ARID1B: variants seen among roughly 807,000 people sequenced by gnomAD.
ARID1B encodes the protein AT-rich interaction domain 1B, also known as AT-rich interactive domain-containing protein 1B.
ARID1B carries 30 observed loss-of-function variants against 212.3 expected under a neutral mutation model. The ratio of observed to expected loss-of-function variants is 0.14; its 90% confidence interval spans 0.11 to 0.19. The LOEUF is 0.19. Among genes scored for constraint, ARID1B ranks in the 10% least tolerant of loss-of-function variants. The pLI is 1.00. For missense variants in ARID1B, 2,891 were observed against 3,204.0 expected (o/e 0.90, Z 2.36); for synonymous variants, 1,402 against 1,301.7 (o/e 1.08, Z -1.66).
At chr6:156,880,275 G>A (rs1443025409) in intron 2 of ARID1B, among the ~76,000 whole-genome samples, 3 of 152,074 alleles carry the variant, frequency 2.0e-5, no homozygotes, top group Admixed American at 6.5e-5. Flanking sequence ...AAAGGAGAGA[G>A]AAAGAAAAAT....
At chr6:156,904,489 T>A (rs1789204606) in intron 3 of ARID1B, among the ~76,000 whole-genome samples, 1 of 152,270 alleles carries the variant, frequency 6.6e-6, no homozygotes, top group Non-Finnish European at 1.5e-5. Flanking sequence ...ATCTGCAGGA[T>A]GAATTCTGGA....
At chr6:156,825,626 C>G (rs1426721637) in intron 1 of ARID1B, among the ~76,000 whole-genome samples, 1 of 152,192 alleles carries the variant, frequency 6.6e-6, no homozygotes, top group East Asian at 1.9e-4. Flanking sequence ...AACATTTCTG[C>G]TTTAATTAAG....
intron 4 of ARID1B, among the ~76,000 whole-genome samples, chr6:156,980,626 TC>T: frequency 6.6e-6 from 1 of 152,202 alleles, no homozygotes; most frequent in African/African-American, 2.4e-5. Context: ...GCAGGGCTAC[TC>T]GTAGACAGTG....
chr6:157,200,824 C>T lies in ARID1B; in HGVS notation c.4599C>T (p.Ser1533=), dbSNP rs777844769. ...AGATGTACAACCAGTATGGAGGCTC[C>T]TACTCGGGCCCGGACCGCAGGCCCA... The part of the protein sequence containing the change: ...QQEMYNQYGG[S]YSGPDRRPIQ... Residue 1533 remains serine (S), a synonymous_variant, in exon 18 of 20, where the codon TCC becomes TCT. Transcript: ENST00000636930. The surrounding 1 kb of genome is among the most constrained non-coding windows in gnomAD (Gnocchi z 4.3). 6.2e-7 allele frequency: 1 copy of T among 1,614,136 alleles called. No individual in the cohort carries two copies. Among genetic ancestry groups the T allele is most frequent in the East Asian group, 2.2e-5 (1 of 44,878 alleles).
In ARID1B at chr6:156,880,956, G is replaced by C. The variant is rs545174178; in HGVS notation, c.1987-20420G>C. 3.5e-5 allele frequency among the ~76,000 whole-genome samples: 5 copies of C among 142,872 alleles called. No homozygotes were observed. The East Asian group carries it at 7.8e-4, about 22-fold the overall frequency. 93.7% of individuals were successfully genotyped at this position (142,872 alleles called of 152,430 possible). On this transcript the variant is annotated intron_variant, in intron 2 of 19. Coordinates refer to ENST00000636930, the MANE Select transcript of ARID1B (RefSeq NM_001374828.1). The stretch of plus-strand genomic sequence containing the variant: ...AGCATAATTTATAAGCACTTTTGTG[G>C]CTGTAAAGTAGAGAAAAAGGCTAAA...
chr6:157,122,924 C>T (rs958603114), intron 6 of ARID1B, among the ~76,000 whole-genome samples: 4 of 152,098 alleles, frequency 2.6e-5, no homozygotes, highest in African/African-American at 9.7e-5. Flanking sequence ...TCAGGTGATC[C>T]ACCCGCCTCA....
At chr6:157,126,005 C>A (rs1008692868) in intron 6 of ARID1B, among the ~76,000 whole-genome samples, 1 of 152,164 alleles carries the variant, frequency 6.6e-6, no homozygotes, top group Non-Finnish European at 1.5e-5. Context: ...TTAAAAAATA[C>A]TCTCTTATTC....
At chr6:156,788,894 A>G (rs1206231192) in intron 1 of ARID1B, among the ~76,000 whole-genome samples, 1 of 152,210 alleles carries the variant, frequency 6.6e-6, no homozygotes, top group African/African-American at 2.4e-5. Flanking sequence ...GGTGCTTAAG[A>G]TACACAGAGT....
In ARID1B at chr6:157,084,917, C is replaced by G. The variant is rs1485797578; in HGVS notation, c.2491+12C>G. On this transcript the variant is annotated intron_variant, in intron 5 of 19. Coordinates refer to ENST00000636930, the MANE Select transcript of ARID1B (RefSeq NM_001374828.1). ...TGCAAGTATCCCAGGTATTTACTTT[C>G]CTGACAATTATTATTTTACTTTGTG... 6.3e-7 allele frequency: 1 copy of G among 1,591,818 alleles called. No individual in the cohort carries two copies. The highest frequency in any genetic ancestry group is 8.6e-7 in the Non-Finnish European group (1 of 1,169,200).
chr6:157,161,425 G>GTATATA (rs768153706), intron 8 of ARID1B, among the ~76,000 whole-genome samples: 23 of 124,360 alleles, frequency 1.8e-4, no homozygotes, highest in African/African-American at 7.7e-4. Flanking sequence ...TTTTGATTGT[G>GTATATA]TGTGTGTATA....
At chr6:156,897,680 A>G (rs760146373) in intron 2 of ARID1B, among the ~76,000 whole-genome samples, 3 of 151,936 alleles carry the variant, frequency 2.0e-5, no homozygotes, top group Non-Finnish European at 4.4e-5. Flanking sequence ...ATATATATAT[A>G]TAGTTAGAAC....
At chr6:157,036,047 C>T (rs1781308037) in intron 4 of ARID1B, among the ~76,000 whole-genome samples, 1 of 152,104 alleles carries the variant, frequency 6.6e-6, no homozygotes, top group Admixed American at 6.5e-5. Flanking sequence ...TATTGCCCAC[C>T]CACCCCGTCT....
chr6:157,092,535 A>T (rs1186207257), intron 5 of ARID1B, among the ~76,000 whole-genome samples: 1 of 152,220 alleles, frequency 6.6e-6, no homozygotes, highest in East Asian at 1.9e-4. Flanking sequence ...AGGTATTCTG[A>T]TGGGTGGGGA....
chr6:156,831,927 A>G (rs1159672508), intron 2 of ARID1B, among the ~76,000 whole-genome samples: 1 of 152,244 alleles, frequency 6.6e-6, no homozygotes. Flanking sequence ...AACTTTCATA[A>G]TGAGTTAATC....
chr6:156,998,824 C>T (rs947970403), intron 4 of ARID1B, among the ~76,000 whole-genome samples: 1 of 152,202 alleles, frequency 6.6e-6, no homozygotes, highest in Non-Finnish European at 1.5e-5. Context: ...AAAATGGTAA[C>T]TCCAAGCTGT....
At chr6:157,049,673 A>G (rs1017814106) in intron 4 of ARID1B, among the ~76,000 whole-genome samples, 3 of 152,206 alleles carry the variant, frequency 2.0e-5, no homozygotes, top group Non-Finnish European at 4.4e-5. Context: ...GCAGCAAATG[A>G]ATACATATTA....
At chr6:157,112,426 A>G (rs1786991248) in intron 6 of ARID1B, among the ~76,000 whole-genome samples, 1 of 152,164 alleles carries the variant, frequency 6.6e-6, no homozygotes, top group Non-Finnish European at 1.5e-5. Context: ...GAAAAAGGAA[A>G]TTGTCTTGCA....
upstream of ARID1B, chr6:156,776,712 T>C (rs976622992): frequency 2.0e-5 from 3 of 152,226 alleles, no homozygotes; most frequent in African/African-American, 7.2e-5. Flanking sequence ...TACATACGTG[T>C]TTAAGGTGCC....
intron 4 of ARID1B, among the ~76,000 whole-genome samples, chr6:156,944,396 C>T (rs1272954762): frequency 1.3e-5 from 2 of 152,122 alleles, no homozygotes; most frequent in African/African-American, 4.8e-5. Context: ...CCTGTGGTCT[C>T]CCTCTTCTTG....
Sources: allele counts gnomAD v4.1 joint callset (sites outside exome capture counted in the v4.1 genomes callset), GRCh38; gene constraint gnomAD v4.1.1; non-coding constraint Gnocchi (gnomAD v3.1); transcripts MANE v1.5; gene names NCBI Gene and HGNC (gene_info 2026-07-23, HGNC 2026-07-21).